Variants in SNTG1 observed in about 807,000 individuals in gnomAD.
SNTG1 encodes the protein gamma-1-syntrophin.
Under a neutral mutation model 74.7 loss-of-function variants are expected in SNTG1, and 39 were observed. The ratio of observed to expected loss-of-function variants is 0.52; its 90% CI spans 0.40 to 0.68. SNTG1 has a LOEUF of 0.68. SNTG1 is among the 30% of genes least tolerant of loss of function. The pLI is 0.00. For synonymous variants in SNTG1, 254 were observed against 217.1 expected (o/e 1.17, Z -1.49); for missense variants, 685 against 609.5 (o/e 1.12, Z -1.30).
chr8:50,438,033 G>C (rs914832679), intron 4 of SNTG1, among the ~76,000 whole-genome samples: 2 of 152,062 alleles, frequency 1.3e-5, no homozygotes, highest in Non-Finnish European at 2.9e-5. Flanking sequence ...TTTTGGACTT[G>C]GTTTATTCAC....
At chr8:50,077,068 T>C (rs1821959865) in intron 1 of SNTG1, among the ~76,000 whole-genome samples, 1 of 152,210 alleles carries the variant, frequency 6.6e-6, no homozygotes, top group Non-Finnish European at 1.5e-5. Flanking sequence ...TAACGTTCTA[T>C]ATTTACTCCT....
chr8:50,650,418 A>G (rs1176712572), intron 13 of SNTG1, among the ~76,000 whole-genome samples: 1 of 152,100 alleles, frequency 6.6e-6, no homozygotes, highest in Non-Finnish European at 1.5e-5. Context: ...ATTCATTCAC[A>G]TTGTTCACTC....
At chr8:50,518,546 T>C (rs1438089046) in intron 9 of SNTG1, among the ~76,000 whole-genome samples, 4 of 151,936 alleles carry the variant, frequency 2.6e-5, no homozygotes, top group African/African-American at 7.3e-5. Context: ...ATTAACATAA[T>C]AGACCACTAT....
chr8:50,337,576 A>G (rs2091183149), intron 2 of SNTG1, among the ~76,000 whole-genome samples: 1 of 152,222 alleles, frequency 6.6e-6, no homozygotes, highest in African/African-American at 2.4e-5. Flanking sequence ...CTAGTTTATT[A>G]GAACCCACCT....
chr8:50,099,838 T>G lies in SNTG1; in HGVS notation c.-102-72723T>G, dbSNP rs558480429. ...ACATTTTTAATTGAATTATTTGCAG[T>G]TTTTTTGCTATTGTATTGAGTTCCT... On this transcript the variant is annotated intron_variant, in intron 1 of 18. Transcript: ENST00000642720. 1.2e-4 allele frequency among the ~76,000 whole-genome samples: 19 copies of G among 152,194 alleles called. 2 individuals carry two copies. Among genetic ancestry groups the G allele is most frequent in the African/African-American group, 4.6e-4 (19 of 41,566 alleles).
rs571435659 is a variant in SNTG1, at chr8:50,584,624, C to A, written c.811-6255C>A. Among the ~76,000 whole-genome samples, 64 of 149,480 alleles carry A rather than the reference C, an allele frequency of 4.3e-4. 1 individual carries two copies. The highest frequency in any genetic ancestry group is 4.3e-3 in the Admixed American group (63 of 14,716). On this transcript the variant is annotated intron_variant, in intron 12 of 18. Coordinates refer to ENST00000642720, the MANE Select transcript of SNTG1 (RefSeq NM_018967.5). ...CCACACTAGCTCCTGAAAGAGACAACAATGCTGCTGTCACAAGCATATCCC... is the reference window on the plus strand; with the variant it reads ...CCACACTAGCTCCTGAAAGAGACAAAAATGCTGCTGTCACAAGCATATCCC...
intron 2 of SNTG1, among the ~76,000 whole-genome samples, chr8:50,333,441 A>G (rs78063531): frequency 0.014 from 2,142 of 152,310 alleles, 58 homozygotes; most frequent in African/African-American, 0.049. Flanking sequence ...ATTAGCCACA[A>G]TTTGATCATC....
chr8:50,416,512 T>C (rs1167353517), intron 4 of SNTG1, among the ~76,000 whole-genome samples: 2 of 152,186 alleles, frequency 1.3e-5, no homozygotes, highest in African/African-American at 2.4e-5. Context: ...ATTTTTCTTC[T>C]TTATGGTTTT....
At chr8:50,404,259 G>T (rs760639607) in intron 4 of SNTG1, among the ~76,000 whole-genome samples, 50 of 152,028 alleles carry the variant, frequency 3.3e-4, no homozygotes, top group Non-Finnish European at 4.9e-4. Context: ...CAAAAACTAT[G>T]TTGAAGGAAA....
chr8:50,063,057 C>T (rs571489997), intron 1 of SNTG1, among the ~76,000 whole-genome samples: 72 of 152,176 alleles, frequency 4.7e-4, no homozygotes, highest in Non-Finnish European at 9.4e-4. Context: ...GACACAAGTG[C>T]ATATTTTTGT....
At chr8:50,134,294 C>T (rs569703987) in intron 1 of SNTG1, among the ~76,000 whole-genome samples, 6 of 152,254 alleles carry the variant, frequency 3.9e-5, no homozygotes, top group African/African-American at 9.6e-5. Context: ...AACAAATCTG[C>T]GTGGTTAATA....
chr8:50,751,491 C>A (rs954030391), intron 17 of SNTG1, among the ~76,000 whole-genome samples: 3 of 152,006 alleles, frequency 2.0e-5, no homozygotes, highest in Admixed American at 6.6e-5. Flanking sequence ...CTGAAAGAGG[C>A]TCTACTTTCC....
At chr8:50,070,950 A>T (rs541454113) in intron 1 of SNTG1, among the ~76,000 whole-genome samples, 3 of 152,268 alleles carry the variant, frequency 2.0e-5, no homozygotes, top group Admixed American at 6.5e-5. Flanking sequence ...TGCCACAGTC[A>T]TTTAGCTGCA....
intron 2 of SNTG1, among the ~76,000 whole-genome samples, chr8:50,332,644 A>G (rs2091009434): frequency 6.6e-6 from 1 of 152,214 alleles, no homozygotes. Flanking sequence ...TCTTATATAG[A>G]TAATGTATGT....
intron 2 of SNTG1, among the ~76,000 whole-genome samples, chr8:50,322,301 T>A (rs1005630810): frequency 1.3e-5 from 2 of 152,118 alleles, no homozygotes; most frequent in African/African-American, 4.8e-5. Flanking sequence ...TTTTCTTTGT[T>A]TGTTTTGGTT....
At position 50,167,591 on chromosome 8, in the gene SNTG1, G is replaced by T. The variant is rs972237810; in HGVS notation, c.-102-4970G>T. On this transcript the variant is annotated intron_variant, in intron 1 of 18. Transcript: ENST00000642720. ...GCAGGCAGATTGCTTGAGCCCACGAGTTTGAGGCCAGCCTGAGCAACAGAA... is the reference window on the plus strand; with the variant it reads ...GCAGGCAGATTGCTTGAGCCCACGATTTTGAGGCCAGCCTGAGCAACAGAA... Among the ~76,000 whole-genome samples the T allele has an allele frequency of 4.9e-4, 73 of 150,456 alleles. 1 individual carries two copies. The highest frequency in any genetic ancestry group is 1.8e-3 in the African/African-American group (72 of 41,046).
chr8:50,569,405 A>C (rs2094534165), intron 12 of SNTG1, among the ~76,000 whole-genome samples: 1 of 152,134 alleles, frequency 6.6e-6, no homozygotes, highest in Admixed American at 6.5e-5. Flanking sequence ...AAGTGAAAAA[A>C]AAAAACTGTT....
intron 1 of SNTG1, among the ~76,000 whole-genome samples, chr8:50,033,947 G>T (rs986837252): frequency 3.9e-5 from 6 of 152,158 alleles, no homozygotes; most frequent in Non-Finnish European, 7.4e-5. Context: ...GATGGGAAAA[G>T]ATAAGCAGTA....
At chr8:50,468,790 C>T (rs527508774) in intron 8 of SNTG1, among the ~76,000 whole-genome samples, 3 of 152,172 alleles carry the variant, frequency 2.0e-5, no homozygotes, top group Admixed American at 2.0e-4. Context: ...ATCAATTATG[C>T]TTTTGAAAAC....
Sources: allele counts gnomAD v4.1 joint callset (sites outside exome capture counted in the v4.1 genomes callset), GRCh38; gene constraint gnomAD v4.1.1; transcripts MANE v1.5; gene names NCBI Gene and HGNC (gene_info 2026-07-23, HGNC 2026-07-21).